Variants in UXS1 observed in about 807,000 individuals in gnomAD.
UXS1 encodes UDP-glucuronate decarboxylase 1, also known as UDP-glucuronic acid decarboxylase 1.
In UXS1, 33 loss-of-function variants were observed where a neutral mutation model predicts 62.6. The ratio of observed to expected loss-of-function variants is 0.53; its 90% CI spans 0.40 to 0.70. The LOEUF is 0.70. Among genes scored for constraint, UXS1 ranks in the 30% least tolerant of loss-of-function variants. The pLI is 0.00. For synonymous variants in UXS1, 213 were observed against 206.8 expected (o/e 1.03, Z -0.26); for missense variants, 434 against 556.3 (o/e 0.78, Z 2.21).
chr2:106,169,920 C>T (rs1683438525), intron 1 of UXS1, among the ~76,000 whole-genome samples: 1 of 152,104 alleles, frequency 6.6e-6, no homozygotes, highest in South Asian at 2.1e-4. Context: ...CAAGCCACAG[C>T]CAAAGCTTTA....
At chr2:106,192,148 C>T (rs577500372) in intron 1 of UXS1, among the ~76,000 whole-genome samples, 16 of 152,352 alleles carry the variant, frequency 1.1e-4, no homozygotes, top group East Asian at 7.7e-4. Context: ...AGGGTCTGTA[C>T]CATCACAGCA....
chr2:106,095,644 G>A (rs1390629101), intron 14 of UXS1, among the ~76,000 whole-genome samples: 1 of 152,214 alleles, frequency 6.6e-6, no homozygotes, highest in African/African-American at 2.4e-5. Context: ...CCGGGCTCCT[G>A]CTGGACACAG....
At chr2:106,185,462 A>C (rs558852327) in intron 1 of UXS1, among the ~76,000 whole-genome samples, 1 of 152,198 alleles carries the variant, frequency 6.6e-6, no homozygotes, top group Non-Finnish European at 1.5e-5. Flanking sequence ...CAATGATTCC[A>C]TTCAATTCTG....
intron 7 of UXS1, 22 bp from the exon 8 acceptor site, chr2:106,125,701 TA>T: frequency 6.4e-7 from 1 of 1,551,984 alleles, no homozygotes; most frequent in Non-Finnish European, 8.7e-7. Flanking sequence ...AATGACATGA[TA>T]AAAGAGACTG....
intron 9 of UXS1, among the ~76,000 whole-genome samples, chr2:106,120,965 GT>G (rs542547400): frequency 3.6e-4 from 55 of 152,300 alleles, no homozygotes; most frequent in African/African-American, 1.3e-3. Context: ...ATTACTCACA[GT>G]TTTCAGGGCA....
chr2:106,105,702 G>A (rs984733199), intron 10 of UXS1, among the ~76,000 whole-genome samples: 4 of 152,226 alleles, frequency 2.6e-5, no homozygotes, highest in African/African-American at 9.6e-5. Flanking sequence ...CATGGGATGA[G>A]CATCTGCTGA....
intron 1 of UXS1, among the ~76,000 whole-genome samples, chr2:106,178,200 C>A (rs1019595294): frequency 6.6e-6 from 1 of 152,224 alleles, no homozygotes; most frequent in East Asian, 1.9e-4. Flanking sequence ...ATGCCACCTC[C>A]TTCCGGGCCC....
At chr2:106,169,238 CA>C (rs1175306439) in intron 1 of UXS1, among the ~76,000 whole-genome samples, 4 of 152,190 alleles carry the variant, frequency 2.6e-5, no homozygotes, top group Non-Finnish European at 4.4e-5. Flanking sequence ...ATTTTGGCTA[CA>C]GGATTAAGCT....
At chr2:106,103,986 A>T (rs1558677386) in intron 11 of UXS1, among the ~76,000 whole-genome samples, 1 of 152,184 alleles carries the variant, frequency 6.6e-6, no homozygotes. Flanking sequence ...AACAGCCACC[A>T]TCTCACCCTA....
intron 4 of UXS1, among the ~76,000 whole-genome samples, chr2:106,161,980 T>C (rs1019048507): frequency 1.7e-4 from 26 of 152,224 alleles, no homozygotes; most frequent in African/African-American, 5.1e-4. Flanking sequence ...TCTTATCTTG[T>C]CAGTGTCAAG....
Position 106,095,095 on chromosome 2 carries a change from A to C in UXS1, c.1147-938T>G, listed in dbSNP as rs182159951. Among the ~76,000 whole-genome samples, 241 of 152,358 alleles carry C rather than the reference A, an allele frequency of 1.6e-3. 1 individual carries two copies. The highest frequency in any genetic ancestry group is 2.9e-3 in the Non-Finnish European group (194 of 68,034). On this transcript the variant is annotated intron_variant, in intron 14 of 14. Coordinates refer to ENST00000283148, the MANE Select transcript of UXS1 (RefSeq NM_001253875.2). The stretch of plus-strand genomic sequence containing the variant: ...CCAGTGGTAGATGGCTCACATTCCA[A>C]GAATGTTAGAATATTATAGGTCTAA...
chr2:106,113,463 C>T (rs1474753715), intron 9 of UXS1, among the ~76,000 whole-genome samples: 1 of 152,158 alleles, frequency 6.6e-6, no homozygotes, highest in Non-Finnish European at 1.5e-5. Context: ...TTTAATGCTT[C>T]TATTTTTACT....
intron 1 of UXS1, among the ~76,000 whole-genome samples, chr2:106,178,498 G>C (rs1022785099): frequency 7.3e-6 from 1 of 136,138 alleles, no homozygotes; most frequent in Non-Finnish European, 1.6e-5. Flanking sequence ...ATATAAGTAT[G>C]TGTATGTATA....
At chr2:106,127,550 T>C (rs1442411092) in intron 7 of UXS1, among the ~76,000 whole-genome samples, 2 of 152,188 alleles carry the variant, frequency 1.3e-5, no homozygotes, top group Non-Finnish European at 2.9e-5. Flanking sequence ...CCAAGGGAGC[T>C]ATCCTGCTGC....
intron 5 of UXS1, among the ~76,000 whole-genome samples, chr2:106,151,117 T>C (rs1447222333): frequency 6.6e-6 from 1 of 152,226 alleles, no homozygotes; most frequent in Non-Finnish European, 1.5e-5. Context: ...CACAGGCCCA[T>C]AGCTGAAGGG....
intron 1 of UXS1, among the ~76,000 whole-genome samples, chr2:106,180,790 A>G (rs147300311): frequency 3.3e-5 from 5 of 152,316 alleles, no homozygotes; most frequent in Admixed American, 1.3e-4. Context: ...ATGGACTTTG[A>G]TCCTGCAAAT....
At chr2:106,190,466 T>G (rs1227016147) in intron 1 of UXS1, among the ~76,000 whole-genome samples, 1 of 151,132 alleles carries the variant, frequency 6.6e-6, no homozygotes, top group Non-Finnish European at 1.5e-5. Flanking sequence ...TGCCTAGGGG[T>G]TGGGTGCGGT....
intron 5 of UXS1, among the ~76,000 whole-genome samples, chr2:106,156,553 T>C (rs1682441285): frequency 6.6e-6 from 1 of 152,152 alleles, no homozygotes; most frequent in Non-Finnish European, 1.5e-5. Flanking sequence ...CCACAAGGAA[T>C]TGGTTCCAGG....
chr2:106,104,055 TG>T (rs1201408865), intron 11 of UXS1, among the ~76,000 whole-genome samples: 1 of 152,186 alleles, frequency 6.6e-6, no homozygotes, highest in African/African-American at 2.4e-5. Flanking sequence ...ACAGGCATAC[TG>T]GGGTATTTGC....
Sources: gnomAD v4.1 joint callset for allele counts (sites outside exome capture counted in the v4.1 genomes callset) on GRCh38, gnomAD v4.1.1 for gene constraint, MANE v1.5 for transcripts, NCBI Gene and HGNC (gene_info 2026-07-23, HGNC 2026-07-21) for gene names.